The following MRPS6 variants were observed in gnomAD, a reference collection of about 807,000 sequenced individuals.
MRPS6 encodes the protein small ribosomal subunit protein bS6m.
In MRPS6, 6 loss-of-function variants were observed where a neutral mutation model predicts 13.1. That is an observed-to-expected ratio of 0.46 (90% CI 0.25 to 0.91). The LOEUF is 0.91. Ranked by LOEUF, MRPS6 falls within the 40% of genes least tolerant of loss-of-function variation. MRPS6 has a pLI of 0.18. For synonymous variants in MRPS6, 61 were observed against 56.5 expected (o/e 1.08, Z -0.36); for missense variants, 164 against 155.6 (o/e 1.05, Z -0.29).
chr21:34,142,696 C>T lies in MRPS6; in HGVS notation c.*96C>T. 2 of 1,355,450 alleles carry T rather than the reference C, an allele frequency of 1.5e-6. No homozygotes were observed. The highest frequency in any genetic ancestry group is 1.9e-6 in the Non-Finnish European group (2 of 1,037,360). The allele number at this position is 1,355,450 out of a possible 1,614,324, so 84.0% of individuals were successfully genotyped here. A position where few individuals can be genotyped will look rare whatever the true frequency, so the allele number is the denominator to read the frequency against. The stretch of plus-strand genomic sequence containing the variant: ...TTTGCAAGTTTGGCCTTTATATAAG[C>T]ATGTGTTGCAGGTGCTGTTTGATTT... On this transcript the variant is annotated 3_prime_UTR_variant, in exon 3 of 3. Coordinates refer to ENST00000399312, the MANE Select transcript of MRPS6 (RefSeq NM_032476.4).
At chr21:34,080,180 G>C (rs1341389501) in intron 1 of MRPS6, among the ~76,000 whole-genome samples, 1 of 152,104 alleles carries the variant, frequency 6.6e-6, no homozygotes, top group Non-Finnish European at 1.5e-5. Flanking sequence ...CACCTAAATA[G>C]GTGCACTTAT....
chr21:34,135,889 C>G, intron 2 of MRPS6: 1 of 519,732 alleles, frequency 1.9e-6, no homozygotes, highest in South Asian at 2.2e-5. Context: ...AGCATAAGGC[C>G]CTGCATTGTG....
chr21:34,080,614 T>C (rs893955578), intron 1 of MRPS6, among the ~76,000 whole-genome samples: 4 of 152,210 alleles, frequency 2.6e-5, no homozygotes, highest in South Asian at 2.1e-4. Context: ...GACTAATCTT[T>C]CCTTTGGTTG....
chr21:34,137,971 T>G (rs1036545420), intron 2 of MRPS6, among the ~76,000 whole-genome samples: 3 of 152,322 alleles, frequency 2.0e-5, no homozygotes, highest in Non-Finnish European at 2.9e-5. Flanking sequence ...GTATATTGTA[T>G]TTTTTAATAT....
chr21:34,110,326 T>C (rs1027369948), intron 1 of MRPS6, among the ~76,000 whole-genome samples: 2 of 152,158 alleles, frequency 1.3e-5, no homozygotes, highest in Non-Finnish European at 2.9e-5. Context: ...TAGCCACATG[T>C]GCAGATGCAC....
chr21:34,088,065 C>CTA, intron 1 of MRPS6, among the ~76,000 whole-genome samples: 1 of 152,206 alleles, frequency 6.6e-6, no homozygotes, highest in South Asian at 2.1e-4. Context: ...CAACAGGCAA[C>CTA]TACAACACTT....
chr21:34,142,548 T>C lies in MRPS6; in HGVS notation c.326T>C (p.Val109Ala). 1 of 1,611,104 alleles carries C rather than the reference T, an allele frequency of 6.2e-7. No individual in the cohort carries two copies. The highest frequency in any genetic ancestry group is 1.1e-5 in the South Asian group (1 of 90,046). The change falls in exon 3 of 3, where the codon GTC becomes GCC. Residue 109 changes from valine to alanine, a missense_variant. Coordinates refer to ENST00000399312, the MANE Select transcript of MRPS6 (RefSeq NM_032476.4). Reference sequence around the variant, plus strand: ...GAACTAAAAGAATGTGAAGGGATTGTCCCAGTCCCACTCGCAGAAAAATTA... The same window carrying C: ...GAACTAAAAGAATGTGAAGGGATTGCCCCAGTCCCACTCGCAGAAAAATTA... ...TQELKECEGI[V>A]PVPLAEKLYS... is the part of the protein sequence containing the mutation.
Position 34,133,939 on chromosome 21 carries a change from A to G in MRPS6, c.185+8459A>G, listed in dbSNP as rs562785546. ...TGATGAATAGTGAGTGAAAGAGCAA[A>G]TGGATAAATGGGAAGGAAAAAAGCA... On this transcript the variant is annotated intron_variant, in intron 2 of 2. Transcript: ENST00000399312. 1.3e-3 allele frequency among the ~76,000 whole-genome samples: 192 copies of G among 152,306 alleles called. 2 individuals are homozygous for G. The highest frequency in any genetic ancestry group is 1.4e-3 in the Non-Finnish European group (94 of 68,018).
intron 1 of MRPS6, chr21:34,122,847 C>T (rs1033331160): frequency 6.6e-6 from 1 of 152,026 alleles, no homozygotes. Flanking sequence ...AAATACTGTG[C>T]TGCTGTTAAT....
intron 2 of MRPS6, among the ~76,000 whole-genome samples, chr21:34,130,951 G>A (rs1980481899): frequency 6.6e-6 from 1 of 152,236 alleles, no homozygotes; most frequent in Admixed American, 6.5e-5. Flanking sequence ...GCTCGGCTTT[G>A]TGTTCAAGGC....
chr21:34,089,568 G>A (rs766201647), intron 1 of MRPS6, among the ~76,000 whole-genome samples: 5 of 152,190 alleles, frequency 3.3e-5, no homozygotes, highest in Non-Finnish European at 7.3e-5. Flanking sequence ...TATGGATGAA[G>A]TAAATCTGGT....
chr21:34,097,352 A>G, intron 1 of MRPS6: 3 of 1,596,870 alleles, frequency 1.9e-6, no homozygotes, highest in Non-Finnish European at 2.6e-6. Flanking sequence ...ATTTCTCCTT[A>G]TGAACTTAAG....
chr21:34,135,447 G>A (rs959040470), intron 2 of MRPS6: 3 of 472,892 alleles, frequency 6.3e-6, no homozygotes, highest in Non-Finnish European at 1.3e-5. Context: ...GGTTGGACTT[G>A]GCCACACATG....
In MRPS6 at chr21:34,073,656, C is replaced by T. The variant is rs370477500; in HGVS notation, c.-45C>T. 234 of 1,507,512 alleles carry T rather than the reference C, an allele frequency of 1.6e-4. No individual in the cohort carries two copies. Among genetic ancestry groups the T allele is most frequent in the Middle Eastern group, 1.0e-3 (5 of 4,960 alleles). 93.4% of individuals were successfully genotyped at this position (1,507,512 alleles called of 1,614,324 possible). A position where few individuals can be genotyped will look rare whatever the true frequency, so the allele number is the denominator to read the frequency against. ...CCCGCCGTCCCGCCCCTTCGCGTCC[C>T]GGGAACCGGCTGGCTTCCGAGCCGC... On this transcript the variant is annotated 5_prime_UTR_variant, in exon 1 of 3. Transcript: ENST00000399312.
chr21:34,099,799 T>C (rs1187527400), intron 1 of MRPS6: 1 of 754,066 alleles, frequency 1.3e-6, no homozygotes, highest in East Asian at 1.3e-4. Context: ...TTCATTAGAA[T>C]TGTTTATTCT....
Position 34,136,338 on chromosome 21 carries a change from G to A in MRPS6, c.186-6070G>A, listed in dbSNP as rs186718548. ...AATTTTTGTATTTTTGGTAGAGGTAGGGTTTCACCATGTTGGTCAGGATGG... is the reference window on the plus strand; with the variant it reads ...AATTTTTGTATTTTTGGTAGAGGTAAGGTTTCACCATGTTGGTCAGGATGG... On this transcript the variant is annotated intron_variant, in intron 2 of 2. Transcript: ENST00000399312. 8.5e-5 allele frequency among the ~76,000 whole-genome samples: 13 copies of A among 152,100 alleles called. No homozygotes were observed. The East Asian group carries it at 2.1e-3, about 25-fold the overall frequency.
At chr21:34,140,243 G>A (rs1980863123) in intron 2 of MRPS6, among the ~76,000 whole-genome samples, 1 of 150,674 alleles carries the variant, frequency 6.6e-6, no homozygotes, top group South Asian at 2.1e-4. Flanking sequence ...TTCTTACCTA[G>A]GTGTTCAGTA....
intron 1 of MRPS6, among the ~76,000 whole-genome samples, chr21:34,086,814 GT>G (rs35893968): frequency 1 from 152,193 of 152,242 alleles, 76,073 homozygotes; most frequent in Middle Eastern, 1. Context: ...CTGAACTCAA[GT>G]TGTAATGGAG....
At chr21:34,097,583 G>T in intron 1 of MRPS6, 2 of 1,269,724 alleles carry the variant, frequency 1.6e-6, no homozygotes, top group South Asian at 2.5e-5. Flanking sequence ...GTGCAAATGT[G>T]GTTTTAAATT....
Sources: gnomAD v4.1 joint callset for allele counts (sites outside exome capture counted in the v4.1 genomes callset) on GRCh38, gnomAD v4.1.1 for gene constraint, MANE v1.5 for transcripts, NCBI Gene and HGNC (gene_info 2026-07-23, HGNC 2026-07-21) for gene names.